The following SAMMSON variants were observed in gnomAD, a reference collection of about 807,000 sequenced individuals.
The protein encoded by SAMMSON is survival associated mitochondrial melanoma specific oncogenic non-coding RNA.
intron 4 of SAMMSON, among the ~76,000 whole-genome samples, chr3:70,186,473 A>T (rs949259307): frequency 1.3e-5 from 2 of 151,718 alleles, no homozygotes; most frequent in Admixed American, 1.3e-4. Flanking sequence ...ATGAGGTCTC[A>T]CTCTGTTGCC....
chr3:70,432,008 A>G (rs1184016768), intron 2 of SAMMSON, among the ~76,000 whole-genome samples: 1 of 151,984 alleles, frequency 6.6e-6, no homozygotes, highest in Non-Finnish European at 1.5e-5. Context: ...TTAACTATTA[A>G]TAATAATGCT....
chr3:70,415,479 T>C (rs953636849), intron 2 of SAMMSON, among the ~76,000 whole-genome samples: 1 of 152,130 alleles, frequency 6.6e-6, no homozygotes, highest in South Asian at 2.1e-4. Flanking sequence ...CATAGGTGAG[T>C]GGGAGGAGCT....
chr3:70,421,986 C>T (rs889374260), intron 2 of SAMMSON, among the ~76,000 whole-genome samples: 1 of 151,954 alleles, frequency 6.6e-6, no homozygotes, highest in African/African-American at 2.4e-5. Flanking sequence ...AAAAATGCAA[C>T]CCACAAGTAA....
intron 4 of SAMMSON, among the ~76,000 whole-genome samples, chr3:70,225,922 G>T (rs1326132622): frequency 6.6e-6 from 1 of 152,052 alleles, no homozygotes; most frequent in Admixed American, 6.6e-5. Context: ...TTGTTCCCTC[G>T]CCATCTACCA....
intron 4 of SAMMSON, among the ~76,000 whole-genome samples, chr3:70,223,479 T>C (rs748372652): frequency 2.0e-5 from 3 of 152,166 alleles, no homozygotes; most frequent in Non-Finnish European, 4.4e-5. Flanking sequence ...ATTTTTTCCT[T>C]CCTGAGCAAA....
intron 4 of SAMMSON, among the ~76,000 whole-genome samples, chr3:70,132,928 G>A (rs1290292149): frequency 6.6e-6 from 1 of 152,142 alleles, no homozygotes; most frequent in African/African-American, 2.4e-5. Context: ...ACTTAGACAT[G>A]AGTGTTTGCT....
intron 4 of SAMMSON, among the ~76,000 whole-genome samples, chr3:70,078,334 CAA>C (rs1242058869): frequency 6.6e-6 from 1 of 151,896 alleles, no homozygotes; most frequent in African/African-American, 2.4e-5. Context: ...TAGGGTTCTG[CAA>C]AAAAATTAGG....
At chr3:70,357,406 A>G (rs1702837316) in intron 8 of SAMMSON, among the ~76,000 whole-genome samples, 2 of 152,160 alleles carry the variant, frequency 1.3e-5, no homozygotes, top group Middle Eastern at 3.2e-3. Flanking sequence ...TATCATTTAT[A>G]TTTAGGGTTA....
At chr3:70,089,996 T>G (rs1043748012) in intron 4 of SAMMSON, among the ~76,000 whole-genome samples, 2 of 152,142 alleles carry the variant, frequency 1.3e-5, no homozygotes, top group East Asian at 3.9e-4. Context: ...TATCCCATAA[T>G]AATGAAAAAT....
intron 1 of SAMMSON, among the ~76,000 whole-genome samples, chr3:70,008,628 A>G (rs1324281529): frequency 6.6e-6 from 1 of 152,048 alleles, no homozygotes; most frequent in African/African-American, 2.4e-5. Flanking sequence ...AATACCCTTT[A>G]TTTCTTTCTC....
chr3:70,221,163 C>A (rs991702765), intron 4 of SAMMSON, among the ~76,000 whole-genome samples: 1 of 151,974 alleles, frequency 6.6e-6, no homozygotes, highest in East Asian at 1.9e-4. Flanking sequence ...TGGAATAAAC[C>A]GTAGATGTCA....
intron 4 of SAMMSON, chr3:70,172,992 A>G (rs1197444141): frequency 1.3e-5 from 2 of 151,984 alleles, no homozygotes; most frequent in East Asian, 1.9e-4. Flanking sequence ...TCTACTCTTA[A>G]TCGTTTGCTT....
chr3:70,066,861 A>G (rs2067211862), intron 3 of SAMMSON, among the ~76,000 whole-genome samples: 1 of 152,124 alleles, frequency 6.6e-6, no homozygotes, highest in Non-Finnish European at 1.5e-5. Flanking sequence ...TACATCTGAA[A>G]ATCATGATGT....
At chr3:70,041,991 A>G (rs1197368519) in intron 3 of SAMMSON, among the ~76,000 whole-genome samples, 1 of 152,124 alleles carries the variant, frequency 6.6e-6, no homozygotes, top group African/African-American at 2.4e-5. Context: ...ACTCTGGTGC[A>G]TGATCAATGG....
chr3:70,345,937 A>C (rs1702747282), intron 7 of SAMMSON, among the ~76,000 whole-genome samples: 1 of 152,206 alleles, frequency 6.6e-6, no homozygotes, highest in African/African-American at 2.4e-5. Flanking sequence ...GGTTGCAATA[A>C]ATATTTGTGT....
chr3:70,351,984 C>G (rs1376744278), intron 7 of SAMMSON, among the ~76,000 whole-genome samples: 5 of 151,762 alleles, frequency 3.3e-5, no homozygotes. Context: ...AGTAACAAGC[C>G]CTGAGGATTT....
chr3:70,212,468 C>T (rs572229210), intron 4 of SAMMSON, among the ~76,000 whole-genome samples: 2 of 152,070 alleles, frequency 1.3e-5, no homozygotes, highest in East Asian at 3.9e-4. Context: ...TTTGACTGGC[C>T]CTGTCCCTCC....
chr3:70,047,419 C>T (rs2067131139), intron 3 of SAMMSON, among the ~76,000 whole-genome samples: 1 of 149,772 alleles, frequency 6.7e-6, no homozygotes, highest in African/African-American at 2.5e-5. Context: ...TCACTGCAAC[C>T]TCTGCCTCCT....
At chr3:70,198,531 A>G (rs1391334438) in intron 4 of SAMMSON, among the ~76,000 whole-genome samples, 1 of 152,228 alleles carries the variant, frequency 6.6e-6, no homozygotes, top group Admixed American at 6.5e-5. Flanking sequence ...AAAACACTAT[A>G]TAAAGTTATA....
Sources: allele counts gnomAD v4.1 joint callset (sites outside exome capture counted in the v4.1 genomes callset), GRCh38; gene constraint gnomAD v4.1.1; transcripts MANE v1.5; gene names NCBI Gene and HGNC (gene_info 2026-07-23, HGNC 2026-07-21).